MGAT3: variants seen among roughly 807,000 people sequenced by gnomAD.
MGAT3 encodes the protein GlcNAc-T III.
A neutral mutation model predicts 29.8 loss-of-function variants in MGAT3; 9 were observed. That is an observed-to-expected ratio of 0.30 (90% CI 0.18 to 0.53). The LOEUF (loss-of-function observed/expected upper bound fraction) is 0.53, where lower values mean the gene tolerates loss of function less well. MGAT3 is among the 20% of genes least tolerant of loss of function. MGAT3 has a pLI of 0.96. For missense variants in MGAT3, 557 were observed against 769.5 expected (o/e 0.72, Z 3.27); for synonymous variants, 397 against 348.9 (o/e 1.14, Z -1.54).
rs956750316 is a variant in MGAT3, at chr22:39,462,256, A to G, written c.-2+4699A>G. ...GCATCTCTGGCTCAGGGAAGCCCAC[A>G]TGCTTCCTGGTGTTCTTGCTGTCAG... On this transcript the variant is annotated intron_variant, in intron 1 of 1. Transcript: ENST00000341184. 2.0e-5 allele frequency among the ~76,000 whole-genome samples: 3 copies of G among 152,126 alleles called. No individual in the cohort carries two copies. In the East Asian group the frequency reaches 5.8e-4, roughly 29 times the overall value.
chr22:39,458,297 GCCGCGCGGCCAGACCTAGTGGT>G (rs201762845), intron 1 of MGAT3, among the ~76,000 whole-genome samples: 2,638 of 152,228 alleles, frequency 0.017, 47 homozygotes, highest in Middle Eastern at 0.061. Context: ...AGGAAGGGAT[GCCGCGCGGCCAGACCTAGTGGT>G]CTGAGGTCGG....
At position 39,488,418 on chromosome 22, in the gene MGAT3, C is replaced by T. The variant is rs1462503751; in HGVS notation, c.1071C>T (p.Gly357=). 1.9e-6 allele frequency: 3 copies of T among 1,612,788 alleles called. No individual in the cohort carries two copies. The highest frequency in any genetic ancestry group is 1.7e-6 in the Non-Finnish European group (2 of 1,180,032). Residue 357 remains glycine, a synonymous_variant, in exon 2 of 2, where the codon GGC becomes GGT. Coordinates refer to ENST00000341184, the MANE Select transcript of MGAT3 (RefSeq NM_002409.5). ...SLYGFFWKQP[G]TLEVVSGCTV... The stretch of plus-strand genomic sequence containing the variant: ...ACGGCTTCTTCTGGAAGCAGCCGGG[C>T]ACCCTGGAGGTGGTGTCAGGCTGCA...
intron 1 of MGAT3, among the ~76,000 whole-genome samples, chr22:39,475,128 C>CTTTTTTTTTATTTTT (rs1928917088): frequency 8.4e-6 from 1 of 118,800 alleles, no homozygotes; most frequent in African/African-American, 3.7e-5. Flanking sequence ...GCTTGCCAGG[C>CTTTTTTTTTATTTTT]TTTTTTTTTT....
chr22:39,480,322 T>C (rs1328621756), intron 1 of MGAT3, among the ~76,000 whole-genome samples: 1 of 152,216 alleles, frequency 6.6e-6, no homozygotes, highest in Non-Finnish European at 1.5e-5. Context: ...GCTGCCTGCC[T>C]GGGTCACAGA....
At chr22:39,486,130 G>A (rs1299187529) in intron 1 of MGAT3, 1 of 411,482 alleles carries the variant, frequency 2.4e-6, no homozygotes. Flanking sequence ...TATAAAGCCA[G>A]AGATAGACCT....
chr22:39,457,088 T>A lies in MGAT3; in HGVS notation c.-471T>A, dbSNP rs1928346564. Among the ~76,000 whole-genome samples, 4 of 146,448 alleles carry A rather than the reference T, an allele frequency of 2.7e-5. No homozygotes were observed. In the South Asian group the frequency reaches 8.4e-4, roughly 31 times the overall value. On this transcript the variant is annotated 5_prime_UTR_variant, in exon 1 of 2. Transcript: ENST00000341184. The surrounding 1 kb of genome is among the most constrained non-coding windows in gnomAD (Gnocchi z 6.8). ...CGGCGCGGGGCGGCGGCGGCCGGAG[T>A]CTGCGGTGCGAGGCGCCCCCGGCCC...
At position 39,488,550 on chromosome 22, in the gene MGAT3, C is replaced by T; in HGVS notation, c.1203C>T (p.His401=). 1 of 1,613,362 alleles carries T rather than the reference C, an allele frequency of 6.2e-7. No homozygotes were observed. Among genetic ancestry groups the T allele is most frequent in the Non-Finnish European group, 8.5e-7 (1 of 1,180,022 alleles). The change falls in exon 2 of 2, where the codon CAC becomes CAT. Residue 401 remains histidine, a synonymous_variant. Transcript: ENST00000341184. ...GACAGTATGAGAACCGCACCGGCCA[C>T]ATCCTGGTGCAGTGGTCGCTGGGCA... ...NFRQYENRTG[H]ILVQWSLGSP...
Position 39,457,189 on chromosome 22 carries a change from T to G in MGAT3, c.-370T>G, listed in dbSNP as rs1313017695. Among the ~76,000 whole-genome samples the G allele has an allele frequency of 7.1e-6, 1 of 141,144 alleles. No individual in the cohort carries two copies. The highest frequency in any genetic ancestry group is 2.2e-4 in the East Asian group (1 of 4,594). 92.6% of individuals were successfully genotyped at this position (141,144 alleles called of 152,430 possible). On this transcript the variant is annotated 5_prime_UTR_variant, in exon 1 of 2. Coordinates refer to ENST00000341184, the MANE Select transcript of MGAT3 (RefSeq NM_002409.5). This position sits in a 1 kb window ranked among gnomAD's most constrained non-coding sequence, Gnocchi z 6.8. The stretch of plus-strand genomic sequence containing the variant: ...GGGCGGGGTGGGGGCCGGAGCCGCT[T>G]GAGCCGGCGGGAGCGGGCACCCCTG...
chr22:39,477,184 G>T (rs1928989349), intron 1 of MGAT3, among the ~76,000 whole-genome samples: 2 of 152,246 alleles, frequency 1.3e-5, no homozygotes. Context: ...AGCCCAAAGG[G>T]ATTGGAATGG....
At chr22:39,467,193 A>G (rs1404021331) in intron 1 of MGAT3, among the ~76,000 whole-genome samples, 4 of 152,246 alleles carry the variant, frequency 2.6e-5, no homozygotes. Context: ...GTGTTGACAG[A>G]GTGCCCACCA....
chr22:39,485,584 A>T (rs1302498034), intron 1 of MGAT3, among the ~76,000 whole-genome samples: 1 of 152,212 alleles, frequency 6.6e-6, no homozygotes, highest in Non-Finnish European at 1.5e-5. Flanking sequence ...TGAGGTCAGG[A>T]GTTCGAGACC....
chr22:39,488,746 G>A lies in MGAT3; in HGVS notation c.1399G>A (p.Gly467Ser), dbSNP rs376388006. Residue 467 changes from glycine (G) to serine (S), a missense_variant, in exon 2 of 2, where the codon GGC becomes AGC. Physicochemically the swap from Gly to Ser is moderately conservative, Grantham distance 56. Coordinates refer to ENST00000341184, the MANE Select transcript of MGAT3 (RefSeq NM_002409.5). ...GLIRTGGWFD[G>S]TQQEYPPADP... ...GATCCGCACCGGGGGCTGGTTCGAC[G>A]GCACGCAGCAGGAGTACCCGCCTGC... 1.9e-6 allele frequency: 3 copies of A among 1,613,256 alleles called. No individual in the cohort carries two copies. Among genetic ancestry groups the A allele is most frequent in the Non-Finnish European group, 2.5e-6 (3 of 1,179,740 alleles).
intron 1 of MGAT3, among the ~76,000 whole-genome samples, chr22:39,466,197 C>T (rs956007980): frequency 2.0e-5 from 3 of 152,172 alleles, no homozygotes; most frequent in African/African-American, 7.2e-5. Context: ...TGTATTCTAA[C>T]AGCGGGAAGA....
At position 39,488,626 on chromosome 22, in the gene MGAT3, G is replaced by A; in HGVS notation, c.1279G>A (p.Gly427Ser). The A allele has an allele frequency of 6.2e-7, 1 of 1,613,470 alleles. No individual in the cohort carries two copies. Among genetic ancestry groups the A allele is most frequent in the East Asian group, 2.2e-5 (1 of 44,882 alleles). The change falls in exon 2 of 2, where the codon GGC becomes AGC. Residue 427 changes from glycine to serine, a missense_variant. By Grantham distance (56) the Gly-to-Ser change is moderately conservative. Coordinates refer to ENST00000341184, the MANE Select transcript of MGAT3 (RefSeq NM_002409.5). Reference sequence around the variant, plus strand: ...CTGCTCCTGGTGCTTCACGCCCGAGGGCATCTACTTCAAGCTCGTGTCCGC... The same window carrying A: ...CTGCTCCTGGTGCTTCACGCCCGAGAGCATCTACTTCAAGCTCGTGTCCGC... ...WHCSWCFTPE[G>S]IYFKLVSAQN...
intron 1 of MGAT3, among the ~76,000 whole-genome samples, chr22:39,472,017 C>T (rs148005573): frequency 8.2e-4 from 125 of 151,994 alleles, no homozygotes; most frequent in Admixed American, 1.7e-3. Flanking sequence ...TAAAGCTCCC[C>T]GGCAGCAGGA....
chr22:39,478,693 C>T (rs1433712322), intron 1 of MGAT3, among the ~76,000 whole-genome samples: 1 of 152,204 alleles, frequency 6.6e-6, no homozygotes, highest in Non-Finnish European at 1.5e-5. Flanking sequence ...CCTGCCTGGC[C>T]AGCTCCCACC....
chr22:39,480,522 G>A (rs1261708851), intron 1 of MGAT3, among the ~76,000 whole-genome samples: 9 of 152,186 alleles, frequency 5.9e-5, no homozygotes, highest in Non-Finnish European at 1.3e-4. Context: ...GAGGCCACAG[G>A]GGGACCACAG....
At chr22:39,484,715 T>G (rs557058922) in intron 1 of MGAT3, among the ~76,000 whole-genome samples, 1 of 151,834 alleles carries the variant, frequency 6.6e-6, no homozygotes, top group South Asian at 2.1e-4. Context: ...CCTTAAAAAG[T>G]AGGGAGGCTG....
rs117211931 is a variant in MGAT3 at position 39,464,194 on chromosome 22, G to C, written c.-2+6637G>C. Among the ~76,000 whole-genome samples, 246 of 152,258 alleles carry C rather than the reference G, an allele frequency of 1.6e-3. 5 individuals are homozygous for C. The East Asian group carries it at 0.043, about 27-fold the overall frequency. The stretch of plus-strand genomic sequence containing the variant: ...TTCCTGGAAGCAAGTCCCAGGCAGG[G>C]CATGATGCCCAGAGCTTGCCTAATG... On this transcript the variant is annotated intron_variant, in intron 1 of 1. Coordinates refer to ENST00000341184, the MANE Select transcript of MGAT3 (RefSeq NM_002409.5).
Sources: gnomAD v4.1 joint callset for allele counts (sites outside exome capture counted in the v4.1 genomes callset) on GRCh38, gnomAD v4.1.1 for gene constraint, Gnocchi (gnomAD v3.1) non-coding constraint, MANE v1.5 for transcripts, NCBI Gene and HGNC (gene_info 2026-07-23, HGNC 2026-07-21) for gene names.